The following LRP1B variants were observed in gnomAD, a reference collection of about 807,000 sequenced individuals.
LRP1B encodes low-density lipoprotein receptor-related protein 1B.
In LRP1B, 217 loss-of-function variants were observed where a neutral mutation model predicts 556.6. That is an observed-to-expected ratio of 0.39 (90% CI 0.35 to 0.44). LRP1B has a LOEUF of 0.44. LRP1B is among the 20% of genes least tolerant of loss of function. The probability of loss-of-function intolerance (pLI) is 1.00; values close to 1 mark genes in which losing one functional copy is unlikely to be tolerated. For synonymous variants in LRP1B, 2,047 were observed against 1,865.8 expected, an observed-to-expected ratio of 1.10 and a Z score of -2.50; for missense variants, 5,053 against 5,620.8, an observed-to-expected ratio of 0.90 and a Z score of 3.23.
At chr2:141,465,779 C>G (rs2105055534) in intron 3 of LRP1B, among the ~76,000 whole-genome samples, 1 of 152,310 alleles carries the variant, frequency 6.6e-6, no homozygotes, top group East Asian at 1.9e-4. Context: ...CTCATGAACT[C>G]AAGCCATCTG....
chr2:141,627,069 A>C (rs530329216), intron 2 of LRP1B, among the ~76,000 whole-genome samples: 1 of 152,346 alleles, frequency 6.6e-6, no homozygotes, highest in Non-Finnish European at 1.5e-5. Context: ...AGGTGACTGG[A>C]TAAGTAAATT....
chr2:140,314,385 A>G (rs180930889), intron 83 of LRP1B, among the ~76,000 whole-genome samples: 1 of 152,038 alleles, frequency 6.6e-6, no homozygotes, highest in Non-Finnish European at 1.5e-5. Context: ...AAGCATAGCT[A>G]TTGCATAAAT....
At chr2:140,475,749 C>A (rs1193314225) in intron 59 of LRP1B, among the ~76,000 whole-genome samples, 1 of 151,630 alleles carries the variant, frequency 6.6e-6, no homozygotes, top group Non-Finnish European at 1.5e-5. Flanking sequence ...TATGGAGGTG[C>A]ACATTTTATT....
rs559187936 is a variant in LRP1B, at chr2:140,833,791, T to C, written c.5209+6200A>G. 4.5e-4 allele frequency among the ~76,000 whole-genome samples: 68 copies of C among 152,294 alleles called. 1 individual carries two copies. Among genetic ancestry groups the C allele is most frequent in the South Asian group, 1.2e-3 (6 of 4,834 alleles). On this transcript the variant is annotated intron_variant, in intron 31 of 90. Transcript: ENST00000389484. ...CAGAGTCAGCTGGTGAACGAACATGTTAGTGTACAAATTTTTTACAAAGGT... is the reference window on the plus strand; with the variant it reads ...CAGAGTCAGCTGGTGAACGAACATGCTAGTGTACAAATTTTTTACAAAGGT...
chr2:140,260,090 G>A (rs1681865537), intron 86 of LRP1B, among the ~76,000 whole-genome samples: 1 of 151,996 alleles, frequency 6.6e-6, no homozygotes, highest in African/African-American at 2.4e-5. Flanking sequence ...TGTTTCGAAT[G>A]AAGAAGTAAA....
chr2:140,507,261 G>C (rs1689458574), intron 52 of LRP1B, among the ~76,000 whole-genome samples: 1 of 152,146 alleles, frequency 6.6e-6, no homozygotes, highest in South Asian at 2.1e-4. Context: ...TAATATTCTA[G>C]GCTTTTTTCC....
intron 2 of LRP1B, among the ~76,000 whole-genome samples, chr2:141,536,671 C>G (rs1685080011): frequency 6.6e-6 from 1 of 152,004 alleles, no homozygotes; most frequent in African/African-American, 2.4e-5. Context: ...TCCTCTAGAA[C>G]TAGAGAAGCT....
intron 3 of LRP1B, among the ~76,000 whole-genome samples, chr2:141,338,511 G>T (rs1313479054): frequency 6.6e-6 from 1 of 152,074 alleles, no homozygotes; most frequent in East Asian, 1.9e-4. Context: ...TTGATTTACG[G>T]TCTTCCACTT....
chr2:141,568,721 T>G (rs1340779562), intron 2 of LRP1B, among the ~76,000 whole-genome samples: 1 of 151,240 alleles, frequency 6.6e-6, no homozygotes, highest in Non-Finnish European at 1.5e-5. Context: ...ATTTGTTCAT[T>G]TAGTCAGTCA....
At chr2:140,733,480 T>C (rs1422472036) in intron 35 of LRP1B, among the ~76,000 whole-genome samples, 3 of 152,156 alleles carry the variant, frequency 2.0e-5, no homozygotes, top group Non-Finnish European at 4.4e-5. Context: ...CATCTATCAT[T>C]GCAGAAACAG....
intron 85 of LRP1B, among the ~76,000 whole-genome samples, chr2:140,273,628 G>T (rs376778519): frequency 6.6e-6 from 1 of 151,932 alleles, no homozygotes; most frequent in Non-Finnish European, 1.5e-5. Flanking sequence ...ACACTTTATG[G>T]CATGCTTTCC....
chr2:141,209,747 G>A lies in LRP1B; in HGVS notation c.850+19436C>T, dbSNP rs532169997. ...GTACATCTACTGTAAGCAGTTAAGA[G>A]GAAGGAAAAAGAAAAGGAGAAAGTT... On this transcript the variant is annotated intron_variant, in intron 6 of 90. Transcript: ENST00000389484. Among the ~76,000 whole-genome samples, 3 of 152,128 alleles carry A rather than the reference G, an allele frequency of 2.0e-5. No homozygotes were observed. In the South Asian group the frequency reaches 6.2e-4, roughly 32 times the overall value.
intron 1 of LRP1B, among the ~76,000 whole-genome samples, chr2:142,054,648 G>A (rs1377864078): frequency 6.6e-6 from 1 of 152,032 alleles, no homozygotes. Context: ...GTAATTGTTG[G>A]ATTCCTTCAG....
chr2:141,886,669 A>G (rs1699123390), intron 1 of LRP1B, among the ~76,000 whole-genome samples: 1 of 152,226 alleles, frequency 6.6e-6, no homozygotes, highest in Non-Finnish European at 1.5e-5. Flanking sequence ...AAAAAGTAAC[A>G]TTTAAAATCA....
intron 32 of LRP1B, among the ~76,000 whole-genome samples, chr2:140,808,217 C>CCCAAAG (rs148862152): frequency 0.45 from 68,634 of 151,862 alleles, 16,729 homozygotes; most frequent in East Asian, 0.58. Context: ...AGTCATTGCA[C>CCCAAAG]TGTCACTGGA....
intron 66 of LRP1B, among the ~76,000 whole-genome samples, chr2:140,405,629 A>T (rs1684698443): frequency 6.6e-6 from 1 of 152,208 alleles, no homozygotes; most frequent in African/African-American, 2.4e-5. Flanking sequence ...GTAAACATAC[A>T]ATCCTCCTAG....
In LRP1B at chr2:140,855,493, G is replaced by GGAAAAAAAAAAAAAAAAAAA. The variant is rs570169727; in HGVS notation, c.4580-3711_4580-3710insTTTTTTTTTTTTTTTTTTTC. 2.1e-4 allele frequency among the ~76,000 whole-genome samples: 21 copies of GGAAAAAAAAAAAAAAAAAAA among 99,400 alleles called. 2 individuals carry two copies. The highest frequency in any genetic ancestry group is 6.4e-4 in the African/African-American group (17 of 26,458). 65.2% of individuals were successfully genotyped at this position (99,400 alleles called of 152,430 possible). ...GACAGGTAGGTCCCATCTCTACTGGGAAAAAAAAAAAATTTGAATGGCTTC... is the reference window on the plus strand; with the variant it reads ...GACAGGTAGGTCCCATCTCTACTGGGGAAAAAAAAAAAAAAAAAAAAAAAAAAAAAAATTTGAATGGCTTC... On this transcript the variant is annotated intron_variant, in intron 27 of 90. Transcript: ENST00000389484.
intron 60 of LRP1B, among the ~76,000 whole-genome samples, chr2:140,470,113 C>T (rs1260078169): frequency 6.6e-6 from 1 of 152,138 alleles, no homozygotes; most frequent in Non-Finnish European, 1.5e-5. Flanking sequence ...GTGTAAAATG[C>T]ACAGTACAAG....
chr2:140,557,564 A>T (rs1574077176), intron 43 of LRP1B, among the ~76,000 whole-genome samples: 1 of 151,964 alleles, frequency 6.6e-6, no homozygotes. Flanking sequence ...ACCCCCTGTG[A>T]CCTCTCTGGA....
Sources: allele counts gnomAD v4.1 joint callset (sites outside exome capture counted in the v4.1 genomes callset), GRCh38; gene constraint gnomAD v4.1.1; transcripts MANE v1.5; gene names NCBI Gene and HGNC (gene_info 2026-07-23, HGNC 2026-07-21).